Variants in CFAP46 observed in about 807,000 individuals in gnomAD.
CFAP46 encodes the protein cilia and flagella associated protein 46.
In CFAP46, 245 loss-of-function variants were observed where a neutral mutation model predicts 325.7. That is an observed-to-expected ratio of 0.75 (90% CI 0.68 to 0.84). CFAP46 has a LOEUF of 0.84. Among genes scored for constraint, CFAP46 ranks in the 40% least tolerant of loss-of-function variants. The pLI is 0.00. For missense variants in CFAP46, 3,346 were observed against 3,543.0 expected (o/e 0.94, Z 1.41); for synonymous variants, 1,523 against 1,495.9 (o/e 1.02, Z -0.42).
At chr10:132,810,160 G>A (rs548545010) in intron 57 of CFAP46, among the ~76,000 whole-genome samples, 1 of 152,228 alleles carries the variant, frequency 6.6e-6, no homozygotes, top group African/African-American at 2.4e-5. Context: ...GGAGCCACGT[G>A]GCACTGTGGG....
intron 19 of CFAP46, 26 bp downstream of exon 19, chr10:132,912,629 C>G (rs1329550773): frequency 7.3e-7 from 1 of 1,367,238 alleles, no homozygotes; most frequent in Non-Finnish European, 9.9e-7. Flanking sequence ...CTCTCTCTCT[C>G]TCTCTCGGCA....
At chr10:132,861,232 C>T (rs1467950378) in intron 35 of CFAP46, among the ~76,000 whole-genome samples, 3 of 152,228 alleles carry the variant, frequency 2.0e-5, no homozygotes, top group Non-Finnish European at 4.4e-5. Context: ...AGTGGGACGC[C>T]CGCCTCCCTG....
chr10:132,920,919 G>C (rs879311843), intron 13 of CFAP46, among the ~76,000 whole-genome samples: 7 of 152,242 alleles, frequency 4.6e-5, no homozygotes, highest in Non-Finnish European at 8.8e-5. Flanking sequence ...AGTCAGGAAG[G>C]CAAAACAGGT....
chr10:132,932,072 A>G lies in CFAP46; in HGVS notation c.867-2268T>C, dbSNP rs565229857. ...CTGGGCCTTCCTGCTCCCCACACAG[A>G]GCCTGGACCTTCATCCTCCCCACAC... On this transcript the variant is annotated intron_variant, in intron 8 of 57. Coordinates refer to ENST00000368586, the MANE Select transcript of CFAP46 (RefSeq NM_001200049.3). Among the ~76,000 whole-genome samples, 10 of 134,286 alleles carry G rather than the reference A, an allele frequency of 7.4e-5. No individual in the cohort carries two copies. The South Asian group carries it at 2.0e-3, about 27-fold the overall frequency. 88.1% of individuals were successfully genotyped at this position (134,286 alleles called of 152,430 possible).
intron 21 of CFAP46, 75 bp from the exon 22 acceptor site, chr10:132,908,709 C>A (rs1397654869): frequency 4.9e-6 from 7 of 1,440,852 alleles, no homozygotes; most frequent in South Asian, 1.4e-5. Context: ...CCCCCACGGA[C>A]CACGCAGCGC....
At position 132,814,829 on chromosome 10, in the gene CFAP46, C is replaced by T. The variant is rs778844249; in HGVS notation, c.7188+15G>A. ...TGCCCACCAGCCCGATCCCCTATCACAGGCCCCCACCCACCTTCCTGCCCT... is the reference window on the plus strand; with the variant it reads ...TGCCCACCAGCCCGATCCCCTATCATAGGCCCCCACCCACCTTCCTGCCCT... On this transcript the variant is annotated intron_variant, in intron 51 of 57. Transcript: ENST00000368586. The T allele has an allele frequency of 2.5e-6, 4 of 1,614,140 alleles. No homozygotes were observed. The highest frequency in any genetic ancestry group is 4.5e-5 in the East Asian group (2 of 44,876).
chr10:132,870,349 G>C lies in CFAP46; in HGVS notation c.4512-977C>G, dbSNP rs181938375. Among the ~76,000 whole-genome samples the C allele has an allele frequency of 3.2e-3, 488 of 152,240 alleles. 2 individuals are homozygous for C. The highest frequency in any genetic ancestry group is 2.8e-3 in the Non-Finnish European group (190 of 68,028). On this transcript the variant is annotated intron_variant, in intron 32 of 57. Transcript: ENST00000368586. ...TGGGCTCTTAAGTGTTCCAGAGAAA[G>C]GAACAGGCGCACGTCTCTCACGTTA...
intron 9 of CFAP46, among the ~76,000 whole-genome samples, chr10:132,928,699 C>T (rs1306498703): frequency 3.3e-5 from 5 of 152,192 alleles, no homozygotes; most frequent in African/African-American, 4.8e-5. Context: ...TGTGGCTGTG[C>T]ATCCGAGGGT....
chr10:132,928,387 G>A (rs951322565), intron 9 of CFAP46, among the ~76,000 whole-genome samples: 1 of 152,210 alleles, frequency 6.6e-6, no homozygotes, highest in Non-Finnish European at 1.5e-5. Flanking sequence ...CTCCCACGCT[G>A]CTCCCATCCT....
intron 24 of CFAP46, among the ~76,000 whole-genome samples, chr10:132,897,185 T>C (rs983643096): frequency 3.9e-5 from 6 of 152,190 alleles, no homozygotes; most frequent in Admixed American, 2.0e-4. Context: ...AAAATCCTCA[T>C]GGTATTAGAT....
At chr10:132,874,080 A>G (rs1027308961) in intron 31 of CFAP46, among the ~76,000 whole-genome samples, 7 of 152,204 alleles carry the variant, frequency 4.6e-5, no homozygotes, top group African/African-American at 1.4e-4. Context: ...ATAACCACCA[A>G]TCTTATACAA....
At chr10:132,911,501 G>A (rs755399829) in intron 19 of CFAP46, among the ~76,000 whole-genome samples, 2 of 152,190 alleles carry the variant, frequency 1.3e-5, no homozygotes, top group Non-Finnish European at 2.9e-5. Flanking sequence ...CCCTGCCCCC[G>A]CCCCACCGCG....
At position 132,808,400 on chromosome 10, in the gene CFAP46, G is replaced by A. The variant is rs1483387629; in HGVS notation, c.*21C>T. 2 of 1,586,784 alleles carry A rather than the reference G, an allele frequency of 1.3e-6. No homozygotes were observed. Among genetic ancestry groups the A allele is most frequent in the South Asian group, 2.2e-5 (2 of 89,396 alleles). Reference sequence around the variant, plus strand: ...AAACCACTCACAGAGACTGGCTTTTGTTGTTTGTTTAGTGGAACACTCAAA... The same window carrying A: ...AAACCACTCACAGAGACTGGCTTTTATTGTTTGTTTAGTGGAACACTCAAA... On this transcript the variant is annotated 3_prime_UTR_variant, in exon 58 of 58. Coordinates refer to ENST00000368586, the MANE Select transcript of CFAP46 (RefSeq NM_001200049.3). The surrounding 1 kb of genome is among the most constrained non-coding windows in gnomAD (Gnocchi z 6.8).
At chr10:132,835,756 G>C (rs915858382) in intron 46 of CFAP46, among the ~76,000 whole-genome samples, 27 of 152,150 alleles carry the variant, frequency 1.8e-4, no homozygotes, top group Admixed American at 1.5e-3. Context: ...GGACCCCAGC[G>C]GCTCCCTGGT....
At chr10:132,872,944 G>A (rs1385559024) in intron 31 of CFAP46, 120 bp from the exon 32 acceptor site, 11 of 1,175,256 alleles carry the variant, frequency 9.4e-6, no homozygotes, top group Non-Finnish European at 1.3e-5. Context: ...CACACAGCAG[G>A]TGCTCAGCGC....
rs1414520657 is a variant in CFAP46 at position 132,889,787 on chromosome 10, T to C, written c.3304+2546A>G. 2.0e-5 allele frequency among the ~76,000 whole-genome samples: 3 copies of C among 152,172 alleles called. No homozygotes were observed. Among genetic ancestry groups the C allele is most frequent in the African/African-American group, 7.2e-5 (3 of 41,444 alleles). On this transcript the variant is annotated intron_variant, in intron 25 of 57. Transcript: ENST00000368586. This position sits in a 1 kb window ranked among gnomAD's most constrained non-coding sequence, Gnocchi z 6.0. ...GTGGGTGAGGGCCGTGGACTGTGCA[T>C]GAGGAGGAATGTGCCTGTGCTGAGC... is the stretch of plus-strand genomic sequence containing the variant.
At chr10:132,898,505 G>A (rs892656391) in intron 24 of CFAP46, 31 of 309,830 alleles carry the variant, frequency 1.0e-4, no homozygotes, top group Admixed American at 4.3e-4. Context: ...GGGCCTTGGG[G>A]GCTCCACTCC....
rs1564783740 is a variant in CFAP46 at position 132,864,580 on chromosome 10, C to CA, written c.4890+1444_4890+1445insT. On this transcript the variant is annotated intron_variant, in intron 35 of 57. Coordinates refer to ENST00000368586, the MANE Select transcript of CFAP46 (RefSeq NM_001200049.3). ...CCTGAGACCTGCAAACATCTGTCCC[C>CA]CTGCCTGAGACCTGCACACACCTGC... Among the ~76,000 whole-genome samples the CA allele has an allele frequency of 8.1e-4, 96 of 118,624 alleles. 3 individuals carry two copies. The highest frequency in any genetic ancestry group is 6.1e-3 in the Middle Eastern group (1 of 164). 77.8% of individuals were successfully genotyped at this position (118,624 alleles called of 152,430 possible).
intron 5 of CFAP46, among the ~76,000 whole-genome samples, 180 bp from the exon 6 acceptor site, chr10:132,937,855 G>C (rs1850033327): frequency 6.6e-6 from 1 of 152,232 alleles, no homozygotes; most frequent in African/African-American, 2.4e-5. Context: ...GCAGGTGCCA[G>C]ACAGCTCGTT....
Sources: gnomAD v4.1 joint callset for allele counts (sites outside exome capture counted in the v4.1 genomes callset) on GRCh38, gnomAD v4.1.1 for gene constraint, Gnocchi (gnomAD v3.1) non-coding constraint, MANE v1.5 for transcripts, NCBI Gene and HGNC (gene_info 2026-07-23, HGNC 2026-07-21) for gene names.